The following DDX10 variants were observed in gnomAD, a reference collection of about 807,000 sequenced individuals.
DDX10 encodes DEAD-box helicase 10, also known as probable ATP-dependent RNA helicase DDX10.
DDX10 carries 74 observed loss-of-function variants against 104.3 expected under a neutral mutation model. The observed-to-expected ratio is 0.71, with a 90% CI of 0.59 to 0.86. DDX10 has a LOEUF of 0.86. Ranked by LOEUF, DDX10 falls within the 40% of genes least tolerant of loss-of-function variation. The pLI, the probability that DDX10 is intolerant of heterozygous loss-of-function variation, is 0.00. For missense variants in DDX10, 952 were observed against 1,040.0 expected (o/e 0.92, Z 1.16); for synonymous variants, 351 against 353.4 (o/e 0.99, Z 0.08).
At chr11:108,752,771 C>T (rs771096624) in intron 13 of DDX10, among the ~76,000 whole-genome samples, 4 of 152,026 alleles carry the variant, frequency 2.6e-5, no homozygotes, top group Admixed American at 1.3e-4. Context: ...AAACCATAAA[C>T]GTAGCCTAAT....
intron 13 of DDX10, among the ~76,000 whole-genome samples, chr11:108,741,097 G>A (rs962081767): frequency 6.6e-6 from 1 of 151,972 alleles, no homozygotes; most frequent in Non-Finnish European, 1.5e-5. Context: ...TGACTTTATC[G>A]AAGATCAGAT....
chr11:108,686,885 T>C (rs972109051), intron 6 of DDX10, among the ~76,000 whole-genome samples: 4 of 152,080 alleles, frequency 2.6e-5, no homozygotes, highest in Middle Eastern at 6.8e-3. Flanking sequence ...CTCGGGTTCA[T>C]GCCATTCTCC....
chr11:108,721,140 C>G (rs577830262), intron 12 of DDX10, among the ~76,000 whole-genome samples: 5 of 152,214 alleles, frequency 3.3e-5, no homozygotes, highest in Admixed American at 3.3e-4. Context: ...CTGAGTCTAA[C>G]TACAACATAT....
chr11:108,803,535 G>A (rs1307789630), intron 13 of DDX10, among the ~76,000 whole-genome samples: 7 of 149,800 alleles, frequency 4.7e-5, no homozygotes, highest in South Asian at 2.1e-4. Context: ...CAGAGGTTGC[G>A]GTGAGCTGAG....
intron 1 of DDX10, among the ~76,000 whole-genome samples, chr11:108,669,249 A>G (rs1478617208): frequency 6.6e-6 from 1 of 152,088 alleles, no homozygotes; most frequent in Admixed American, 6.6e-5. Context: ...GCATGCCACC[A>G]GGCCTGGCTA....
chr11:108,848,605 T>C (rs964994859), intron 15 of DDX10, among the ~76,000 whole-genome samples: 1 of 152,172 alleles, frequency 6.6e-6, no homozygotes, highest in Non-Finnish European at 1.5e-5. Context: ...CTTACTCTCA[T>C]GAGCTTATAA....
At chr11:108,789,940 G>T (rs1483696090) in intron 13 of DDX10, among the ~76,000 whole-genome samples, 1 of 152,070 alleles carries the variant, frequency 6.6e-6, no homozygotes, top group Non-Finnish European at 1.5e-5. Flanking sequence ...CTGTAACTCC[G>T]AACCAATTAA....
intron 13 of DDX10, among the ~76,000 whole-genome samples, chr11:108,828,191 G>A (rs1011058480): frequency 2.0e-5 from 3 of 152,112 alleles, no homozygotes; most frequent in African/African-American, 7.2e-5. Context: ...TTGGTGAACA[G>A]GCAGTGTTTA....
intron 6 of DDX10, among the ~76,000 whole-genome samples, chr11:108,681,669 G>C (rs2094235430): frequency 6.6e-6 from 1 of 152,164 alleles, no homozygotes; most frequent in Admixed American, 6.5e-5. Flanking sequence ...AAGTATACTA[G>C]TGTTTTCATT....
intron 9 of DDX10, 106 bp from the exon 10 acceptor site, chr11:108,706,633 T>TA (rs3214898): frequency 0.15 from 123,683 of 845,994 alleles, 10,724 homozygotes; most frequent in East Asian, 0.25. Context: ...CTCTGACATT[T>TA]ATGGTTAGAC....
At chr11:108,689,876 T>C (rs1314481422) in intron 7 of DDX10, among the ~76,000 whole-genome samples, 1 of 152,176 alleles carries the variant, frequency 6.6e-6, no homozygotes, top group African/African-American at 2.4e-5. Context: ...GGAAGTTAAG[T>C]GGTGATCTGA....
Position 108,841,411 on chromosome 11 carries a change from A to C in DDX10, c.2182A>C (p.Arg728=). The C allele has an allele frequency of 6.2e-7, 1 of 1,614,034 alleles. No homozygotes were observed. Among genetic ancestry groups the C allele is most frequent in the Non-Finnish European group, 8.5e-7 (1 of 1,179,916 alleles). ...TATCAACTTACATAAAGCAAAGGAAAGACTTCAGGAAGAGGACAAATTTGA... is the reference window on the plus strand; with the variant it reads ...TATCAACTTACATAAAGCAAAGGAACGACTTCAGGAAGAGGACAAATTTGA... ...GGINLHKAKE[R]LQEEDKFDKE... Residue 728 remains arginine (R), a synonymous_variant, in exon 15 of 18, where the codon AGA becomes CGA. Transcript: ENST00000322536.
chr11:108,723,134 A>G lies in DDX10; in HGVS notation c.1637A>G (p.Glu546Gly), dbSNP rs774159479. 3.7e-6 allele frequency: 6 copies of G among 1,613,892 alleles called. No individual in the cohort carries two copies. In the South Asian group the frequency reaches 5.5e-5, roughly 15 times the overall value. Residue 546 changes from glutamate to glycine, a missense_variant, in exon 13 of 18, where the codon GAA becomes GGA. Physicochemically the swap from Glu to Gly is moderately conservative, Grantham distance 98. Coordinates refer to ENST00000322536, the MANE Select transcript of DDX10 (RefSeq NM_004398.4). ...RAPSLTNDEVEEFRAYFNEKM... is the reference protein window; with the variant it reads ...RAPSLTNDEVGEFRAYFNEKM... ...CCCTCCCTCACCAATGACGAAGTGG[A>G]AGAATTTAGAGCCTACTTCAATGAG...
chr11:108,755,851 G>A (rs2094343800), intron 13 of DDX10, among the ~76,000 whole-genome samples: 1 of 152,012 alleles, frequency 6.6e-6, no homozygotes, highest in Non-Finnish European at 1.5e-5. Context: ...AGCTCAAAAA[G>A]TTGTTCTGAG....
At position 108,724,049 on chromosome 11, in the gene DDX10, C is replaced by G. The variant is rs534319443; in HGVS notation, c.1965+587C>G. Among the ~76,000 whole-genome samples, 11 of 152,150 alleles carry G rather than the reference C, an allele frequency of 7.2e-5. No homozygotes were observed. The South Asian group carries it at 2.3e-3, about 32-fold the overall frequency. ...TCCATTTAGATAAAGCACTTGTTTT[C>G]TAGGATGCTTTTGTAGGTGCACAGT... is the stretch of plus-strand genomic sequence containing the variant. On this transcript the variant is annotated intron_variant, in intron 13 of 17. Coordinates refer to ENST00000322536, the MANE Select transcript of DDX10 (RefSeq NM_004398.4).
chr11:108,900,444 T>TA (rs1863503077), intron 16 of DDX10, among the ~76,000 whole-genome samples: 1 of 152,210 alleles, frequency 6.6e-6, no homozygotes, highest in South Asian at 2.1e-4. Flanking sequence ...CTAAAATACT[T>TA]AAAGTCCTCT....
At chr11:108,817,754 T>C (rs1862274541) in intron 13 of DDX10, among the ~76,000 whole-genome samples, 2 of 152,196 alleles carry the variant, frequency 1.3e-5, no homozygotes, top group African/African-American at 4.8e-5. Context: ...CTTTTAAATA[T>C]ATTAAAATAG....
intron 16 of DDX10, among the ~76,000 whole-genome samples, chr11:108,911,532 T>C (rs1276256686): frequency 1.3e-5 from 2 of 148,528 alleles, no homozygotes; most frequent in Admixed American, 1.3e-4. Flanking sequence ...ACCTAACCAG[T>C]TCCCAAAAGC....
intron 16 of DDX10, among the ~76,000 whole-genome samples, chr11:108,869,092 T>C (rs1236269724): frequency 6.6e-6 from 1 of 151,752 alleles, no homozygotes; most frequent in East Asian, 1.9e-4. Context: ...AGAAGTTAGA[T>C]GAAGAATTAA....
Sources: allele counts gnomAD v4.1 joint callset (sites outside exome capture counted in the v4.1 genomes callset), GRCh38; gene constraint gnomAD v4.1.1; transcripts MANE v1.5; gene names NCBI Gene and HGNC (gene_info 2026-07-23, HGNC 2026-07-21).